The following CCM2 variants were observed in gnomAD, a reference collection of about 807,000 sequenced individuals.
The protein encoded by CCM2 is cerebral cavernous malformations 2 protein.
In CCM2, 25 loss-of-function variants were observed where a neutral mutation model predicts 44.9. The ratio of observed to expected loss-of-function variants is 0.56; its 90% CI spans 0.41 to 0.78. The LOEUF is 0.78. Ranked by LOEUF, CCM2 falls within the 30% of genes least tolerant of loss-of-function variation. CCM2 has a pLI of 0.00. For synonymous variants in CCM2, 219 were observed against 241.1 expected, an observed-to-expected ratio of 0.91 and a Z score of 0.85; for missense variants, 481 against 580.6, an observed-to-expected ratio of 0.83 and a Z score of 1.76.
At chr7:45,025,440 G>A (rs572031348) in intron 1 of CCM2, among the ~76,000 whole-genome samples, 10 of 151,996 alleles carry the variant, frequency 6.6e-5, no homozygotes, top group Non-Finnish European at 1.0e-4. Context: ...TGGGCTCTCC[G>A]CTATGTCCTT....
intron 2 of CCM2, among the ~76,000 whole-genome samples, chr7:45,051,876 T>C (rs1366190102): frequency 6.6e-6 from 1 of 152,044 alleles, no homozygotes; most frequent in African/African-American, 2.4e-5. Flanking sequence ...TGGCTAATTT[T>C]TTGTATTTTT....
rs1265843600 is a variant in CCM2, at chr7:45,067,937, TG to T, written c.473-505del. 8.4e-4 allele frequency: 169 copies of T among 200,582 alleles called. 2 individuals are homozygous for T. The highest frequency in any genetic ancestry group is 2.4e-4 in the Non-Finnish European group (23 of 96,380). 12.4% of individuals were successfully genotyped at this position (200,582 alleles called of 1,614,324 possible). ...TCACTTCTGCCATCAGGAAAACCAC[TG>T]AGTTACTCCATGTATTTCAGGAGAA... On this transcript the variant is annotated intron_variant, in intron 4 of 9. Transcript: ENST00000258781.
At position 45,072,332 on chromosome 7, in the gene CCM2, GACTT is replaced by G. The variant is rs995332355; in HGVS notation, c.746-389_746-386del. 6 of 358,710 alleles carry G rather than the reference GACTT, an allele frequency of 1.7e-5. No individual in the cohort carries two copies. The East Asian group carries it at 4.2e-4, about 25-fold the overall frequency. The allele number at this position is 358,710 out of a possible 1,614,324, so 22.2% of individuals were successfully genotyped here. ...CCTGGGCCAAGTTGTGTAACTCTCT[GACTT>G]ACTTCCTAATCTACAAGTGAAGACA... On this transcript the variant is annotated intron_variant, in intron 6 of 9. Coordinates refer to ENST00000258781, the MANE Select transcript of CCM2 (RefSeq NM_031443.4).
At chr7:45,072,888 C>T (rs184400520) in intron 7 of CCM2, 105 bp downstream of exon 7, 13 of 949,824 alleles carry the variant, frequency 1.4e-5, no homozygotes, top group African/African-American at 6.4e-5. Flanking sequence ...AGCTCACCCT[C>T]GCTAAGCCAT....
chr7:45,009,064 G>A (rs1002322776), intron 1 of CCM2, among the ~76,000 whole-genome samples: 1 of 152,046 alleles, frequency 6.6e-6, no homozygotes. Flanking sequence ...CACTTTAGAA[G>A]GCCAAGGCAG....
intron 1 of CCM2, among the ~76,000 whole-genome samples, chr7:45,012,358 T>C (rs905101728): frequency 2.6e-5 from 4 of 151,772 alleles, no homozygotes; most frequent in Admixed American, 2.6e-4. Flanking sequence ...GGTCTTGAAC[T>C]CCTGACCTCA....
At chr7:45,033,786 C>T (rs1797081087) in intron 1 of CCM2, among the ~76,000 whole-genome samples, 1 of 128,416 alleles carries the variant, frequency 7.8e-6, no homozygotes, top group African/African-American at 3.1e-5. Context: ...CAAGCATACA[C>T]ATTTGAAAAG....
At chr7:45,044,236 C>T (rs1436211229) in intron 2 of CCM2, among the ~76,000 whole-genome samples, 1 of 152,360 alleles carries the variant, frequency 6.6e-6, no homozygotes, top group African/African-American at 2.4e-5. Context: ...CGGGTTCACG[C>T]TGTTCTCCTG....
At chr7:45,071,684 C>A (rs986562912) in intron 6 of CCM2, 8 of 441,470 alleles carry the variant, frequency 1.8e-5, no homozygotes, top group African/African-American at 1.6e-4. Context: ...AAGCCATTTC[C>A]TTGTCTTTCC....
At chr7:45,039,389 A>G (rs1182433866) in intron 2 of CCM2, among the ~76,000 whole-genome samples, 1 of 152,240 alleles carries the variant, frequency 6.6e-6, no homozygotes, top group Non-Finnish European at 1.5e-5. Context: ...TCATTGGGGA[A>G]GTTAAGCAGC....
chr7:45,069,962 G>C lies in CCM2; in HGVS notation c.745+1G>C, dbSNP rs1583984070. 2 of 1,613,758 alleles carry C rather than the reference G, an allele frequency of 1.2e-6. No homozygotes were observed. The highest frequency in any genetic ancestry group is 1.7e-6 in the Non-Finnish European group (2 of 1,180,034). On this transcript the variant is annotated splice_donor_variant, in intron 6 of 9. Coordinates refer to ENST00000258781, the MANE Select transcript of CCM2 (RefSeq NM_031443.4). LOFTEE classifies it high-confidence loss of function. ...ACCCACCACCTGTCCCTGCACAGCG[G>C]TATGTTGAGTGAGAGTGGGCAGCGG...
chr7:45,075,961 G>A lies in CCM2; in HGVS notation c.1239G>A (p.Ser413=), dbSNP rs147293659. 24 of 1,613,014 alleles carry A rather than the reference G, an allele frequency of 1.5e-5. No individual in the cohort carries two copies. The highest frequency in any genetic ancestry group is 1.6e-4 in the Middle Eastern group (1 of 6,084). The change falls in exon 10 of 10, where the codon TCG becomes TCA. Residue 413 remains serine (S), a synonymous_variant. Coordinates refer to ENST00000258781, the MANE Select transcript of CCM2 (RefSeq NM_031443.4). ...CCACGGGCAGCTCTGATGACCGGTC[G>A]GCACCCTCAGAGGGGGATGAGTGGG... The part of the protein sequence containing the change: ...NRATGSSDDR[S]APSEGDEWDR...
At chr7:45,075,701 G>A (rs934954209) in intron 9 of CCM2, 76 bp from the exon 10 acceptor site, 47 of 1,591,408 alleles carry the variant, frequency 3.0e-5, no homozygotes, top group Non-Finnish European at 3.9e-5. Context: ...CTGTCAGGGG[G>A]CTTTGAGCCC....
At chr7:45,069,499 G>C (rs900323686) in intron 5 of CCM2, among the ~76,000 whole-genome samples, 1 of 152,230 alleles carries the variant, frequency 6.6e-6, no homozygotes, top group African/African-American at 2.4e-5. Flanking sequence ...TCCTGGGCTG[G>C]GATAGGGTTG....
chr7:45,054,034 T>C (rs1798133377), intron 2 of CCM2, among the ~76,000 whole-genome samples: 1 of 152,188 alleles, frequency 6.6e-6, no homozygotes, highest in Non-Finnish European at 1.5e-5. Flanking sequence ...GTACATGCCG[T>C]AGTAGAGAAG....
intron 4 of CCM2, among the ~76,000 whole-genome samples, chr7:45,067,378 G>C (rs1798834030): frequency 6.7e-6 from 1 of 148,250 alleles, no homozygotes; most frequent in South Asian, 2.1e-4. Context: ...GGCCAGGCTG[G>C]TCTTGAACTC....
intron 9 of CCM2, among the ~76,000 whole-genome samples, chr7:45,075,180 C>A (rs1234847002): frequency 1.3e-5 from 2 of 152,248 alleles, no homozygotes; most frequent in African/African-American, 4.8e-5. Flanking sequence ...GCAGTGCCTG[C>A]CCCTTCTGTG....
At chr7:45,010,213 A>G (rs1796014290) in intron 1 of CCM2, among the ~76,000 whole-genome samples, 1 of 152,180 alleles carries the variant, frequency 6.6e-6, no homozygotes, top group Non-Finnish European at 1.5e-5. Flanking sequence ...TCCTGGCCAA[A>G]TAATACACAT....
chr7:45,069,197 C>T (rs1405791124), intron 5 of CCM2, among the ~76,000 whole-genome samples: 2 of 152,246 alleles, frequency 1.3e-5, no homozygotes, highest in African/African-American at 2.4e-5. Flanking sequence ...CCTTAAATAT[C>T]CTCTAATGAG....
Sources: gnomAD v4.1 joint callset for allele counts (sites outside exome capture counted in the v4.1 genomes callset) on GRCh38, gnomAD v4.1.1 for gene constraint, MANE v1.5 for transcripts, NCBI Gene and HGNC (gene_info 2026-07-23, HGNC 2026-07-21) for gene names.